Variants in RRAS2 observed in about 807,000 individuals in gnomAD.
RRAS2 encodes ras-related protein R-Ras2.
Under a neutral mutation model 27.6 loss-of-function variants are expected in RRAS2, and 7 were observed. That is an observed-to-expected ratio of 0.25 (90% CI 0.14 to 0.48). The LOEUF (loss-of-function observed/expected upper bound fraction) is 0.48, where lower values mean the gene tolerates loss of function less well. Among genes scored for constraint, RRAS2 ranks in the 20% least tolerant of loss-of-function variants. The pLI is 0.99. For synonymous variants in RRAS2, 86 were observed against 90.9 expected, an observed-to-expected ratio of 0.95 and a Z score of 0.31; for missense variants, 178 against 256.2, an observed-to-expected ratio of 0.69 and a Z score of 2.08.
At chr11:14,329,011 G>GTGTATATA (rs1210749974) in intron 1 of RRAS2, among the ~76,000 whole-genome samples, 2 of 137,788 alleles carry the variant, frequency 1.5e-5, no homozygotes, top group African/African-American at 5.4e-5. Context: ...GTGTGTGTGT[G>GTGTATATA]TATATATATA....
chr11:14,329,916 T>C (rs1446934115), intron 1 of RRAS2, among the ~76,000 whole-genome samples: 7 of 151,776 alleles, frequency 4.6e-5, no homozygotes, highest in African/African-American at 1.2e-4. Flanking sequence ...TAAATAAAAA[T>C]AAAAATAAAT....
At chr11:14,295,170 G>A (rs1386209481) in intron 2 of RRAS2, among the ~76,000 whole-genome samples, 7 of 152,104 alleles carry the variant, frequency 4.6e-5, no homozygotes, top group South Asian at 4.1e-4. Context: ...AAAATCACTT[G>A]AATGTTTTAT....
chr11:14,307,580 C>G (rs1847863495), intron 1 of RRAS2, among the ~76,000 whole-genome samples: 1 of 152,002 alleles, frequency 6.6e-6, no homozygotes, highest in Non-Finnish European at 1.5e-5. Flanking sequence ...AGTTAAATAA[C>G]CTGCCAAAGG....
intron 1 of RRAS2, 34 bp from the exon 2 acceptor site, chr11:14,295,889 C>A: frequency 6.3e-7 from 1 of 1,582,516 alleles, no homozygotes; most frequent in Non-Finnish European, 8.6e-7. Flanking sequence ...TTTTAAAATT[C>A]ATGGCCAGGC....
intron 1 of RRAS2, among the ~76,000 whole-genome samples, chr11:14,316,748 A>G (rs1554949609): frequency 2.0e-5 from 3 of 152,242 alleles, no homozygotes; most frequent in Admixed American, 1.3e-4. Flanking sequence ...TTTCAAAACA[A>G]TCCAAAAACA....
intron 1 of RRAS2, among the ~76,000 whole-genome samples, chr11:14,351,234 A>G (rs1156448389): frequency 6.6e-6 from 1 of 152,254 alleles, no homozygotes; most frequent in Admixed American, 6.5e-5. Flanking sequence ...AAAAATATCA[A>G]TGTCATAAAA....
chr11:14,357,139 C>T (rs560112079), intron 1 of RRAS2, among the ~76,000 whole-genome samples: 2 of 152,152 alleles, frequency 1.3e-5, no homozygotes, highest in South Asian at 4.2e-4. Context: ...AACAAAAAGG[C>T]CCAACACCTT....
upstream of RRAS2, among the ~76,000 whole-genome samples, chr11:14,361,282 G>A (rs1554956157): frequency 1.4e-5 from 2 of 147,768 alleles, no homozygotes; most frequent in Non-Finnish European, 1.5e-5. Flanking sequence ...CCGCCTGGGC[G>A]ACAGAGCCGT....
chr11:14,325,544 C>T (rs577104634), intron 1 of RRAS2, among the ~76,000 whole-genome samples: 83 of 152,218 alleles, frequency 5.5e-4, no homozygotes, highest in Middle Eastern at 6.8e-3. Context: ...CGTGATCCTC[C>T]CGCCTTGGCC....
At chr11:14,324,440 A>C (rs1848301269) in intron 1 of RRAS2, among the ~76,000 whole-genome samples, 1 of 151,928 alleles carries the variant, frequency 6.6e-6, no homozygotes, top group South Asian at 2.1e-4. Context: ...AAAAAAAAAA[A>C]AAAAGGAAAA....
At chr11:14,349,338 T>A (rs1361805286) in intron 1 of RRAS2, among the ~76,000 whole-genome samples, 157 of 149,962 alleles carry the variant, frequency 1.0e-3, no homozygotes, top group African/African-American at 3.5e-3. Flanking sequence ...TTTTTTTGTA[T>A]TTTTAGTAAA....
chr11:14,299,435 A>G (rs1847640884), intron 1 of RRAS2, among the ~76,000 whole-genome samples: 1 of 152,230 alleles, frequency 6.6e-6, no homozygotes, highest in African/African-American at 2.4e-5. Flanking sequence ...TTTTTTGTAC[A>G]TATATGAATT....
At chr11:14,306,260 G>T (rs1035958538) in intron 1 of RRAS2, among the ~76,000 whole-genome samples, 2 of 125,686 alleles carry the variant, frequency 1.6e-5, no homozygotes, top group Non-Finnish European at 3.5e-5. Flanking sequence ...ATCATTGAAT[G>T]TAAGAGTACT....
intron 1 of RRAS2, among the ~76,000 whole-genome samples, chr11:14,339,974 C>T (rs1342699681): frequency 6.6e-6 from 1 of 151,658 alleles, no homozygotes; most frequent in Non-Finnish European, 1.5e-5. Context: ...AAAAAAATAG[C>T]CGGGTGTGGT....
At chr11:14,355,174 C>A (rs1849046415) in intron 1 of RRAS2, among the ~76,000 whole-genome samples, 1 of 150,700 alleles carries the variant, frequency 6.6e-6, no homozygotes, top group Non-Finnish European at 1.5e-5. Context: ...AAAAAAAACA[C>A]TCCTAGAATT....
chr11:14,350,599 G>A (rs1848928505), intron 1 of RRAS2, among the ~76,000 whole-genome samples: 1 of 152,050 alleles, frequency 6.6e-6, no homozygotes. Flanking sequence ...TATTCCTTTA[G>A]GGCAGGGGTG....
At chr11:14,329,620 C>T (rs1848445151) in intron 1 of RRAS2, among the ~76,000 whole-genome samples, 1 of 152,132 alleles carries the variant, frequency 6.6e-6, no homozygotes, top group South Asian at 2.1e-4. Flanking sequence ...CTGCAGTAAA[C>T]AGCAAAAACA....
At chr11:14,341,610 AAT>A (rs782626048) in intron 1 of RRAS2, among the ~76,000 whole-genome samples, 9 of 152,174 alleles carry the variant, frequency 5.9e-5, no homozygotes, top group African/African-American at 4.8e-5. Flanking sequence ...TAAAAATAAA[AAT>A]AGTTTCCTAC....
chr11:14,323,253 C>A (rs1334649319), intron 1 of RRAS2, among the ~76,000 whole-genome samples: 6 of 152,020 alleles, frequency 3.9e-5, no homozygotes, highest in Non-Finnish European at 8.8e-5. Context: ...TTGAGATCAA[C>A]CTGGGCAACA....
Sources: gnomAD v4.1 joint callset for allele counts (sites outside exome capture counted in the v4.1 genomes callset) on GRCh38, gnomAD v4.1.1 for gene constraint, MANE v1.5 for transcripts, NCBI Gene and HGNC (gene_info 2026-07-23, HGNC 2026-07-21) for gene names.